ADISSP: variants seen among roughly 807,000 people sequenced by gnomAD.
The protein encoded by ADISSP is adipose-secreted signaling protein.
the ADISSP span, chr20:3,755,726 A>G: frequency 2.2e-5 from 18 of 806,782 alleles, no homozygotes; most frequent in South Asian, 2.7e-4. Context: ...AGAGCCCAGA[A>G]AGCCCAACTC....
chr20:3,762,113 A>G, the ADISSP span, among the ~76,000 whole-genome samples: 10 of 152,266 alleles, frequency 6.6e-5, no homozygotes, highest in East Asian at 1.9e-3. Flanking sequence ...CTCTACCAAA[A>G]GTACAAAGAT....
At chr20:3,764,111 T>C in the ADISSP span, among the ~76,000 whole-genome samples, 4 of 152,156 alleles carry the variant, frequency 2.6e-5, no homozygotes, top group Non-Finnish European at 5.9e-5. Context: ...AACTTGGTCT[T>C]GGAGAGCAGC....
the ADISSP span, among the ~76,000 whole-genome samples, chr20:3,765,538 C>G: frequency 1.3e-5 from 2 of 152,228 alleles, no homozygotes; most frequent in African/African-American, 4.8e-5. Flanking sequence ...ATGCACCCCC[C>G]ATCTCTGCAA....
the ADISSP span, among the ~76,000 whole-genome samples, chr20:3,761,555 C>T: frequency 2.6e-5 from 4 of 152,108 alleles, no homozygotes; most frequent in South Asian, 4.1e-4. Flanking sequence ...AGGCTGGTCT[C>T]GAACTCCTGA....
At chr20:3,761,303 A>G in the ADISSP span, among the ~76,000 whole-genome samples, 1 of 151,756 alleles carries the variant, frequency 6.6e-6, no homozygotes, top group Non-Finnish European at 1.5e-5. Context: ...CAGGCGCCCA[A>G]GCGTCACTGA....
At chr20:3,754,177 G>A in the ADISSP span, 4 of 1,597,994 alleles carry the variant, frequency 2.5e-6, no homozygotes, top group East Asian at 9.0e-5. Flanking sequence ...CAGGGTGCAA[G>A]TCAGTGCCAT....
the ADISSP span, among the ~76,000 whole-genome samples, chr20:3,764,025 A>G: frequency 1.3e-5 from 2 of 152,128 alleles, no homozygotes; most frequent in Non-Finnish European, 2.9e-5. Flanking sequence ...AAGTGGAGCT[A>G]CACCCATTCA....
chr20:3,765,367 C>T, the ADISSP span, among the ~76,000 whole-genome samples: 3 of 152,226 alleles, frequency 2.0e-5, no homozygotes, highest in Non-Finnish European at 4.4e-5. Flanking sequence ...ACATGGCCCC[C>T]AGAGGCAGCA....
the ADISSP span, chr20:3,755,720 C>T: frequency 2.4e-6 from 2 of 848,430 alleles, no homozygotes; most frequent in East Asian, 2.6e-5. Context: ...CCCCAGAGAG[C>T]CCAGAAAGCC....
chr20:3,765,424 G>C, the ADISSP span, among the ~76,000 whole-genome samples: 1 of 152,236 alleles, frequency 6.6e-6, no homozygotes, highest in East Asian at 1.9e-4. Context: ...GCATGGGTGA[G>C]TTCTTTCACT....
the ADISSP span, chr20:3,754,345 T>C: frequency 6.3e-7 from 1 of 1,593,646 alleles, no homozygotes; most frequent in Non-Finnish European, 8.6e-7. Context: ...ACAGAAACCC[T>C]CGCAGTCGAG....
At chr20:3,758,464 G>A in the ADISSP span, 2 of 1,453,026 alleles carry the variant, frequency 1.4e-6, no homozygotes, top group African/African-American at 2.8e-5. The surrounding 1 kb of genome is among the most constrained non-coding windows in gnomAD (Gnocchi z 5.5). Context: ...GAGAGGAACG[G>A]GGATAGGCAC....
the ADISSP span, chr20:3,754,535 G>A: frequency 6.2e-7 from 1 of 1,603,948 alleles, no homozygotes; most frequent in Non-Finnish European, 8.5e-7. Flanking sequence ...CGGGGACAGG[G>A]GCAATTGGTC....
chr20:3,763,224 C>G, the ADISSP span, among the ~76,000 whole-genome samples: 34 of 144,094 alleles, frequency 2.4e-4, no homozygotes, highest in African/African-American at 8.5e-4. Flanking sequence ...CCACTGCACT[C>G]CAGCCTGGGT....
chr20:3,761,757 G>T, the ADISSP span, among the ~76,000 whole-genome samples: 1 of 152,196 alleles, frequency 6.6e-6, no homozygotes, highest in Non-Finnish European at 1.5e-5. Flanking sequence ...GATGCCTCCT[G>T]AAGTAAGGCA....
the ADISSP span, among the ~76,000 whole-genome samples, chr20:3,756,607 T>A: frequency 1.2e-4 from 19 of 152,196 alleles, no homozygotes; most frequent in Admixed American, 7.9e-4. Context: ...TATTGCTACA[T>A]GACAAACTTC....
chr20:3,761,302 A>G, the ADISSP span, among the ~76,000 whole-genome samples: 42 of 152,066 alleles, frequency 2.8e-4, no homozygotes, highest in Admixed American at 2.5e-3. Context: ...ACAGGCGCCC[A>G]AGCGTCACTG....
the ADISSP span, among the ~76,000 whole-genome samples, chr20:3,764,462 T>C: frequency 3.9e-5 from 6 of 152,106 alleles, no homozygotes; most frequent in African/African-American, 1.4e-4. Context: ...GCCCAGGTCA[T>C]CCCTTCAGCC....
the ADISSP span, chr20:3,753,820 A>G: frequency 3.5e-6 from 2 of 572,992 alleles, no homozygotes; most frequent in Non-Finnish European, 6.3e-6. Flanking sequence ...TTTCGGGCTC[A>G]ACCCATTTCT....
Sources: gnomAD v4.1 joint callset for allele counts (sites outside exome capture counted in the v4.1 genomes callset) on GRCh38, gnomAD v4.1.1 for gene constraint, Gnocchi (gnomAD v3.1) non-coding constraint, MANE v1.5 for transcripts, NCBI Gene and HGNC (gene_info 2026-07-23, HGNC 2026-07-21) for gene names.